HDAC9: variants seen among roughly 807,000 people sequenced by gnomAD.
The protein encoded by HDAC9 is histone deacetylase 9.
HDAC9 carries 41 observed loss-of-function variants against 139.4 expected under a neutral mutation model. The ratio of observed to expected loss-of-function variants is 0.29; its 90% CI spans 0.23 to 0.38. HDAC9 has a LOEUF of 0.38. HDAC9 is among the 10% of genes least tolerant of loss of function. The probability of loss-of-function intolerance (pLI) is 1.00; values close to 1 mark genes in which losing one functional copy is unlikely to be tolerated. For missense variants in HDAC9, 1,147 were observed against 1,297.0 expected, an observed-to-expected ratio of 0.88 and a Z score of 1.78; for synonymous variants, 517 against 476.2, an observed-to-expected ratio of 1.09 and a Z score of -1.12.
chr7:18,407,684 A>G (rs933104697), intron 1 of HDAC9, among the ~76,000 whole-genome samples: 1 of 152,210 alleles, frequency 6.6e-6, no homozygotes, highest in African/African-American at 2.4e-5. Flanking sequence ...ATGTTAGAGC[A>G]CTAGGATGCA....
Position 18,162,630 on chromosome 7 carries a change from A to G in HDAC9, c.25+281A>G, listed in dbSNP as rs551215761. The G allele has an allele frequency of 3.0e-5, 13 of 436,950 alleles. No individual in the cohort carries two copies. In the East Asian group the frequency reaches 5.5e-4, roughly 18 times the overall value. 27.1% of individuals were successfully genotyped at this position (436,950 alleles called of 1,614,324 possible). On this transcript the variant is annotated intron_variant, in intron 2 of 12. Transcript: ENST00000417496. ...CATTCAGATTGAACTTTATGAAGTT[A>G]TGAATATGAACTATTATATAGGAAT...
chr7:18,884,390 T>C (rs1799963294), intron 22 of HDAC9, among the ~76,000 whole-genome samples: 1 of 152,016 alleles, frequency 6.6e-6, no homozygotes. Context: ...CAGAAATAAA[T>C]CCATACACCA....
intron 12 of HDAC9, among the ~76,000 whole-genome samples, chr7:18,704,918 T>C (rs963940832): frequency 6.6e-6 from 1 of 152,182 alleles, no homozygotes; most frequent in Non-Finnish European, 1.5e-5. Context: ...ATGGAATATT[T>C]TGTTTTATTG....
chr7:18,391,829 A>C lies in HDAC9; in HGVS notation c.-42+101314A>C, dbSNP rs78592246. 6.6e-3 allele frequency among the ~76,000 whole-genome samples: 1,002 copies of C among 152,268 alleles called. 7 individuals are homozygous for C. Among genetic ancestry groups the C allele is most frequent in the African/African-American group, 0.023 (957 of 41,550 alleles). The stretch of plus-strand genomic sequence containing the variant: ...TCTTCTGTCAAATGAGGGCAATAGA[A>C]GTTTTTACCATGGGGTTATTTACAG... On this transcript the variant is annotated intron_variant, in intron 1 of 3. Transcript: ENST00000413509.
chr7:18,914,239 C>A (rs1802993149), intron 22 of HDAC9, among the ~76,000 whole-genome samples: 1 of 151,524 alleles, frequency 6.6e-6, no homozygotes, highest in South Asian at 2.1e-4. Flanking sequence ...TCTTGAACTT[C>A]CCACCCTCCA....
intron 2 of HDAC9, among the ~76,000 whole-genome samples, chr7:18,577,865 A>G (rs914570958): frequency 6.6e-6 from 1 of 152,146 alleles, no homozygotes; most frequent in Non-Finnish European, 1.5e-5. Context: ...GGCAAACAGT[A>G]TTTATGAAAC....
At chr7:18,759,106 A>G (rs1385959991) in intron 14 of HDAC9, among the ~76,000 whole-genome samples, 2 of 152,062 alleles carry the variant, frequency 1.3e-5, no homozygotes, top group African/African-American at 2.4e-5. Flanking sequence ...AGCGGAGAAA[A>G]CTGTTAGATT....
upstream of HDAC9, among the ~76,000 whole-genome samples, chr7:18,287,535 A>C (rs1438132658): frequency 1.3e-5 from 2 of 152,184 alleles, no homozygotes; most frequent in Non-Finnish European, 2.9e-5. Context: ...TTTCACATAA[A>C]AATCCAGATG....
chr7:18,403,990 G>C (rs951280841), intron 1 of HDAC9, among the ~76,000 whole-genome samples: 1 of 152,190 alleles, frequency 6.6e-6, no homozygotes, highest in African/African-American at 2.4e-5. Flanking sequence ...AGACCTTGTA[G>C]GCAGCAGAAG....
At chr7:18,357,686 A>C (rs538716864) in intron 1 of HDAC9, among the ~76,000 whole-genome samples, 10 of 152,178 alleles carry the variant, frequency 6.6e-5, no homozygotes, top group Non-Finnish European at 1.5e-4. Context: ...AGGTGAACTT[A>C]GGTGGCCCTA....
intron 14 of HDAC9, among the ~76,000 whole-genome samples, chr7:18,759,930 C>T (rs1178177): frequency 0.15 from 22,700 of 151,776 alleles, 2,144 homozygotes; most frequent in East Asian, 0.42. Context: ...AATGTTATAC[C>T]GGAAGTAAAA....
At chr7:18,542,367 C>T (rs377603926) in intron 2 of HDAC9, among the ~76,000 whole-genome samples, 21 of 152,106 alleles carry the variant, frequency 1.4e-4, no homozygotes, top group Admixed American at 2.6e-4. Context: ...TTAATAAAAC[C>T]TCCTTCATAT....
chr7:18,854,678 A>G (rs1797545574), intron 21 of HDAC9, among the ~76,000 whole-genome samples: 1 of 152,092 alleles, frequency 6.6e-6, no homozygotes, highest in Non-Finnish European at 1.5e-5. Flanking sequence ...AAAAATACTG[A>G]ATAGAGAAAA....
At chr7:18,531,509 A>G (rs926733616) in intron 2 of HDAC9, among the ~76,000 whole-genome samples, 3 of 152,156 alleles carry the variant, frequency 2.0e-5, no homozygotes, top group African/African-American at 7.2e-5. Context: ...CTCTTGAAAA[A>G]AACTTTAAGT....
At chr7:18,456,090 C>T (rs1793317230) in intron 1 of HDAC9, among the ~76,000 whole-genome samples, 1 of 152,100 alleles carries the variant, frequency 6.6e-6, no homozygotes, top group Non-Finnish European at 1.5e-5. Flanking sequence ...ATAGGGTCCC[C>T]AGCACATTTT....
intron 6 of HDAC9, among the ~76,000 whole-genome samples, chr7:18,594,882 G>T (rs1832035560): frequency 6.6e-6 from 1 of 152,026 alleles, no homozygotes; most frequent in Non-Finnish European, 1.5e-5. Context: ...AGATATTCAT[G>T]TAAGATAGCT....
chr7:18,149,631 GGCTT>G (rs1786612594), intron 1 of HDAC9, among the ~76,000 whole-genome samples: 1 of 151,652 alleles, frequency 6.6e-6, no homozygotes, highest in Non-Finnish European at 1.5e-5. Flanking sequence ...GCTCACTGCA[GGCTT>G]CGCCTCCCGG....
At chr7:18,145,772 G>A (rs17345681) in intron 1 of HDAC9, among the ~76,000 whole-genome samples, 7,033 of 152,218 alleles carry the variant, frequency 0.046, 190 homozygotes, top group Non-Finnish European at 0.06. Context: ...GTTGTATTCA[G>A]ATACCGGTGA....
intron 1 of HDAC9, among the ~76,000 whole-genome samples, chr7:18,136,730 G>A (rs1785449514): frequency 6.6e-6 from 1 of 151,352 alleles, no homozygotes; most frequent in African/African-American, 2.4e-5. Context: ...TTTGAAGTCA[G>A]GTAGCGTGAT....
Sources: gnomAD v4.1 joint callset for allele counts (sites outside exome capture counted in the v4.1 genomes callset) on GRCh38, gnomAD v4.1.1 for gene constraint, MANE v1.5 for transcripts, NCBI Gene and HGNC (gene_info 2026-07-23, HGNC 2026-07-21) for gene names.